ATXN10: variants seen among roughly 807,000 people sequenced by gnomAD.
ATXN10 encodes the protein ataxin 10.
A neutral mutation model predicts 52.9 loss-of-function variants in ATXN10; 28 were observed. The ratio of observed to expected loss-of-function variants is 0.53; its 90% confidence interval spans 0.39 to 0.73. ATXN10 has a LOEUF of 0.73. Ranked by LOEUF, ATXN10 falls within the 30% of genes least tolerant of loss-of-function variation. The pLI, the probability that ATXN10 is intolerant of heterozygous loss-of-function variation, is 0.00. For missense variants in ATXN10, 565 were observed against 577.0 expected, an observed-to-expected ratio of 0.98 and a Z score of 0.21; for synonymous variants, 226 against 221.5, an observed-to-expected ratio of 1.02 and a Z score of -0.18.
chr22:45,744,958 T>C lies in ATXN10; in HGVS notation c.1173+4420T>C, dbSNP rs1353332248. The C allele has an allele frequency of 6.6e-6, 1 of 152,236 alleles. No individual in the cohort carries two copies. The highest frequency in any genetic ancestry group is 2.4e-5 in the African/African-American group (1 of 41,472). 9.4% of individuals were successfully genotyped at this position (152,236 alleles called of 1,614,324 possible). On this transcript the variant is annotated intron_variant, in intron 9 of 11. Transcript: ENST00000252934. The surrounding 1 kb of genome is among the most constrained non-coding windows in gnomAD (Gnocchi z 4.9). Reference sequence around the variant, plus strand: ...AGGAATTGCTAGACTTCCCTTTACCTCGTCATGGTAGGGAGGTGTCAAATC... The same window carrying C: ...AGGAATTGCTAGACTTCCCTTTACCCCGTCATGGTAGGGAGGTGTCAAATC...
intron 1 of ATXN10, among the ~76,000 whole-genome samples, chr22:45,682,494 GAGACAGGGTCTT>G (rs1922967308): frequency 1.3e-5 from 2 of 150,128 alleles, no homozygotes; most frequent in Admixed American, 6.6e-5. Flanking sequence ...TTTTTTTGTA[GAGACAGGGTCTT>G]ACCATGTTGC....
chr22:45,703,838 A>G (rs759555101), intron 5 of ATXN10: 9 of 152,214 alleles, frequency 5.9e-5, no homozygotes, highest in Non-Finnish European at 1.0e-4. Context: ...CATTAGCACC[A>G]AACTCATTAG....
chr22:45,755,026 C>G (rs1368491490), intron 9 of ATXN10, among the ~76,000 whole-genome samples: 1 of 152,236 alleles, frequency 6.6e-6, no homozygotes, highest in Non-Finnish European at 1.5e-5. Flanking sequence ...AGCCAGCATC[C>G]TGGTGCTCAG....
rs190310819 is a variant in ATXN10 at position 45,786,393 on chromosome 22, A to G, written c.1174-20566A>G. ...GTGTCATGGGGAGCAGGGTTAGTTT[A>G]TGGGATGCAGTCTCTGACATTCTCG... On this transcript the variant is annotated intron_variant, in intron 9 of 11. Coordinates refer to ENST00000252934, the MANE Select transcript of ATXN10 (RefSeq NM_013236.4). The surrounding 1 kb of genome is among the most constrained non-coding windows in gnomAD (Gnocchi z 4.1). Among the ~76,000 whole-genome samples, 1 of 152,278 alleles carries G rather than the reference A, an allele frequency of 6.6e-6. No homozygotes were observed. The highest frequency in any genetic ancestry group is 1.5e-5 in the Non-Finnish European group (1 of 68,016).
At chr22:45,747,220 G>A (rs181397149) in intron 9 of ATXN10, among the ~76,000 whole-genome samples, 1 of 152,140 alleles carries the variant, frequency 6.6e-6, no homozygotes, top group Non-Finnish European at 1.5e-5. Flanking sequence ...ATGTCTGGGG[G>A]GCCGGGTGCA....
chr22:45,686,076 A>G (rs1001561109), intron 1 of ATXN10, among the ~76,000 whole-genome samples: 8 of 152,216 alleles, frequency 5.3e-5, no homozygotes, highest in Non-Finnish European at 7.3e-5. Flanking sequence ...TAGAGATTAT[A>G]TGGATTTCTT....
chr22:45,799,255 A>G (rs974561349), intron 9 of ATXN10, among the ~76,000 whole-genome samples: 1 of 152,120 alleles, frequency 6.6e-6, no homozygotes, highest in Non-Finnish European at 1.5e-5. Context: ...TTTTTTATAA[A>G]AATTGATGAG....
Position 45,700,336 on chromosome 22 carries a change from C to T in ATXN10, c.446C>T (p.Ser149Phe). Residue 149 changes from serine to phenylalanine, a missense_variant, in exon 4 of 12, where the codon TCC becomes TTC. By Grantham distance (155) the Ser-to-Phe change is radical. Transcript: ENST00000252934. Reference sequence around the variant, plus strand: ...AACATTGCCTCACGGAATGAAGATTCCCAGTCTATTGTTTGGGTGCATGCT... The same window carrying T: ...AACATTGCCTCACGGAATGAAGATTTCCAGTCTATTGTTTGGGTGCATGCT... ...LGNIASRNEDSQSIVWVHAFP... is the reference protein window; with the variant it reads ...LGNIASRNEDFQSIVWVHAFP... The T allele has an allele frequency of 6.2e-7, 1 of 1,614,048 alleles. No homozygotes were observed. Among genetic ancestry groups the T allele is most frequent in the African/African-American group, 1.3e-5 (1 of 75,016 alleles).
intron 10 of ATXN10, among the ~76,000 whole-genome samples, chr22:45,831,959 CCCA>C (rs1929007387): frequency 6.6e-6 from 1 of 152,208 alleles, no homozygotes. Context: ...GTCACCTGTA[CCCA>C]CCACCTGTCC....
Position 45,759,929 on chromosome 22 carries a change from A to T in ATXN10, c.1173+19391A>T. Among the ~76,000 whole-genome samples, 1 of 152,298 alleles carries T rather than the reference A, an allele frequency of 6.6e-6. No individual in the cohort carries two copies. The highest frequency in any genetic ancestry group is 6.5e-5 in the Admixed American group (1 of 15,302). On this transcript the variant is annotated intron_variant, in intron 9 of 11. Transcript: ENST00000252934. This position sits in a 1 kb window ranked among gnomAD's most constrained non-coding sequence, Gnocchi z 5.4. The stretch of plus-strand genomic sequence containing the variant: ...CAGTCAAGGTACAGAGAGCACCTCT[A>T]TCCCCTCAGAAAGTTTTTTCCATGC...
intron 1 of ATXN10, chr22:45,689,437 C>A: frequency 2.1e-6 from 1 of 468,882 alleles, no homozygotes; most frequent in South Asian, 2.2e-5. Flanking sequence ...ATCTCTACTT[C>A]ACTTACCTTA....
chr22:45,758,046 C>T (rs1249931827), intron 9 of ATXN10, among the ~76,000 whole-genome samples: 2 of 152,248 alleles, frequency 1.3e-5, no homozygotes, highest in Non-Finnish European at 2.9e-5. Context: ...TGCAACTATT[C>T]GTTACCAGAA....
rs867214746 is a variant in ATXN10 at position 45,842,551 on chromosome 22, T to C, written c.1238-440T>C. 3.9e-5 allele frequency among the ~76,000 whole-genome samples: 6 copies of C among 152,334 alleles called. No homozygotes were observed. The highest frequency in any genetic ancestry group is 1.4e-4 in the African/African-American group (6 of 41,572). ...TTTCCTGATTCTAACCTGACGTCTT[T>C]GTGACTGATTCTTTAGTGCTCTTCT... is the stretch of plus-strand genomic sequence containing the variant. On this transcript the variant is annotated intron_variant, in intron 10 of 11. Coordinates refer to ENST00000252934, the MANE Select transcript of ATXN10 (RefSeq NM_013236.4). The surrounding 1 kb of genome is among the most constrained non-coding windows in gnomAD (Gnocchi z 4.8).
At position 45,727,053 on chromosome 22, in the gene ATXN10, G is replaced by A. The variant is rs76218920; in HGVS notation, c.729-2372G>A. 1.6e-3 allele frequency among the ~76,000 whole-genome samples: 237 copies of A among 152,158 alleles called. No homozygotes were observed. Among genetic ancestry groups the A allele is most frequent in the African/African-American group, 5.5e-3 (228 of 41,510 alleles). ...CAACTTGTGGTCTTTCAGACTTTTC[G>A]ATGTAGGCATTTAGCACTGTAAACT... On this transcript the variant is annotated intron_variant, in intron 6 of 11. Coordinates refer to ENST00000252934, the MANE Select transcript of ATXN10 (RefSeq NM_013236.4). This position sits in a 1 kb window ranked among gnomAD's most constrained non-coding sequence, Gnocchi z 4.6.
At chr22:45,796,279 C>T (rs1335592696) in intron 9 of ATXN10, among the ~76,000 whole-genome samples, 6 of 152,180 alleles carry the variant, frequency 3.9e-5, no homozygotes, top group Middle Eastern at 3.2e-3. Flanking sequence ...CTAGTCAGAC[C>T]GGTTGACTGC....
In ATXN10 at chr22:45,724,046, GTATA is replaced by G. The variant is rs138159; in HGVS notation, c.729-5367_729-5364del. ...TTATGGTTGAGTAGTATTCCATTGT[GTATA>G]TATATATATATCACGTTTTCTTTGT... On this transcript the variant is annotated intron_variant, in intron 6 of 11. Coordinates refer to ENST00000252934, the MANE Select transcript of ATXN10 (RefSeq NM_013236.4). 3.3e-5 allele frequency among the ~76,000 whole-genome samples: 5 copies of G among 151,322 alleles called. No individual in the cohort carries two copies. The South Asian group carries it at 6.3e-4, about 19-fold the overall frequency.
In ATXN10 at chr22:45,729,420, T is replaced by C; in HGVS notation, c.729-5T>C. The C allele has an allele frequency of 6.2e-7, 1 of 1,614,016 alleles. No individual in the cohort carries two copies. Among genetic ancestry groups the C allele is most frequent in the Non-Finnish European group, 8.5e-7 (1 of 1,179,878 alleles). On this transcript the variant is annotated splice_region_variant and splice_polypyrimidine_tract_variant and intron_variant, in intron 6 of 11. Coordinates refer to ENST00000252934, the MANE Select transcript of ATXN10 (RefSeq NM_013236.4). Reference sequence around the variant, plus strand: ...ATTCATGCAGAAATCCTTTATGTTTTACAGAGTTACACTGTTAGACCTTAT... The same window carrying C: ...ATTCATGCAGAAATCCTTTATGTTTCACAGAGTTACACTGTTAGACCTTAT...
chr22:45,758,488 C>T (rs1489985128), intron 9 of ATXN10, among the ~76,000 whole-genome samples: 2 of 152,220 alleles, frequency 1.3e-5, no homozygotes, highest in African/African-American at 4.8e-5. Flanking sequence ...AATTATTGGT[C>T]ATCAGAAACT....
intron 5 of ATXN10, among the ~76,000 whole-genome samples, chr22:45,711,006 A>G (rs913765005): frequency 1.4e-4 from 21 of 152,174 alleles, no homozygotes; most frequent in African/African-American, 4.8e-4. Context: ...CTAGAACTCT[A>G]TACAGGCTTC....
Sources: gnomAD v4.1 joint callset for allele counts (sites outside exome capture counted in the v4.1 genomes callset) on GRCh38, gnomAD v4.1.1 for gene constraint, Gnocchi (gnomAD v3.1) non-coding constraint, MANE v1.5 for transcripts, NCBI Gene and HGNC (gene_info 2026-07-23, HGNC 2026-07-21) for gene names.